PANK1: variants seen among roughly 807,000 people sequenced by gnomAD.
The protein encoded by PANK1 is pantothenic acid kinase 1.
PANK1 carries 18 observed loss-of-function variants against 40.1 expected under a neutral mutation model. That is an observed-to-expected ratio of 0.45 (90% CI 0.31 to 0.67). PANK1 has a LOEUF of 0.67. PANK1 is among the 30% of genes least tolerant of loss of function. PANK1 has a pLI of 0.06. For missense variants in PANK1, 457 were observed against 599.6 expected, an observed-to-expected ratio of 0.76 and a Z score of 2.48; for synonymous variants, 242 against 237.7, an observed-to-expected ratio of 1.02 and a Z score of -0.17.
intron 1 of PANK1, among the ~76,000 whole-genome samples, chr10:89,637,869 A>G (rs1007081665): frequency 2.6e-5 from 4 of 152,264 alleles, no homozygotes; most frequent in African/African-American, 7.2e-5. Flanking sequence ...GTATAGGTGT[A>G]CAAAAATATT....
At chr10:89,629,124 G>T (rs1172334883) in intron 1 of PANK1, among the ~76,000 whole-genome samples, 3 of 152,190 alleles carry the variant, frequency 2.0e-5, no homozygotes, top group Non-Finnish European at 4.4e-5. Flanking sequence ...AAAAAGAAGA[G>T]TACATAGATT....
At chr10:89,606,517 C>T (rs931396984) in intron 2 of PANK1, among the ~76,000 whole-genome samples, 3 of 152,206 alleles carry the variant, frequency 2.0e-5, no homozygotes, top group South Asian at 2.1e-4. Flanking sequence ...CTGCTACCTT[C>T]CCACTTTTCT....
chr10:89,620,518 CTAG>C (rs1436815409), intron 1 of PANK1, among the ~76,000 whole-genome samples: 1 of 152,228 alleles, frequency 6.6e-6, no homozygotes, highest in Non-Finnish European at 1.5e-5. Context: ...CTGGCGAATT[CTAG>C]TCAGACCTGT....
intron 1 of PANK1, among the ~76,000 whole-genome samples, chr10:89,629,899 C>T (rs1841584290): frequency 6.6e-6 from 1 of 152,212 alleles, no homozygotes; most frequent in South Asian, 2.1e-4. Context: ...GTTTCAGCTT[C>T]TTGCTGAATA....
chr10:89,607,110 G>A (rs1009233501), intron 2 of PANK1, among the ~76,000 whole-genome samples: 8 of 152,094 alleles, frequency 5.3e-5, no homozygotes, highest in Non-Finnish European at 8.8e-5. Flanking sequence ...GGTCTGTCTC[G>A]GTTTTCACCA....
intron 6 of PANK1, among the ~76,000 whole-genome samples, chr10:89,586,818 T>G (rs1844209094): frequency 6.6e-6 from 1 of 152,062 alleles, no homozygotes; most frequent in South Asian, 2.1e-4. Flanking sequence ...CACTTTTTGG[T>G]TTATATTATG....
At chr10:89,625,260 G>A (rs931923125) in intron 1 of PANK1, among the ~76,000 whole-genome samples, 4 of 152,178 alleles carry the variant, frequency 2.6e-5, no homozygotes, top group African/African-American at 9.7e-5. Context: ...GCTTGAAACT[G>A]AGCACAGAAC....
intron 2 of PANK1, among the ~76,000 whole-genome samples, chr10:89,605,833 A>G (rs896456985): frequency 3.9e-5 from 6 of 152,208 alleles, no homozygotes; most frequent in African/African-American, 1.4e-4. Flanking sequence ...GGCCTATGAA[A>G]AGTATTTCTT....
intron 4 of PANK1, 43 bp from the exon 5 acceptor site, chr10:89,593,363 G>T: frequency 6.2e-7 from 1 of 1,600,560 alleles, no homozygotes; most frequent in South Asian, 1.1e-5. Flanking sequence ...ATCGTCCTCA[G>T]GCAGGGCCCA....
Position 89,644,790 on chromosome 10 carries a change from G to T in PANK1, c.102C>A (p.Gly34=). The change falls in exon 1 of 7, where the codon GGC becomes GGA. Residue 34 remains glycine (G), a synonymous_variant. Transcript: ENST00000307534. ...AAAVNGLLHN[G]FHPPPVQPPH... is the part of the protein sequence containing the mutation. ...GCGGCTGGACTGGCGGCGGATGGAA[G>T]CCGTTGTGCAGCAGCCCGTTCACAG... 6.7e-7 allele frequency: 1 copy of T among 1,491,576 alleles called. No homozygotes were observed. The allele number at this position is 1,491,576 out of a possible 1,614,324, so 92.4% of individuals were successfully genotyped here.
intron 2 of PANK1, among the ~76,000 whole-genome samples, chr10:89,607,587 A>G (rs960320492): frequency 3.3e-5 from 5 of 152,234 alleles, no homozygotes; most frequent in African/African-American, 1.2e-4. Context: ...AAAATGCAAT[A>G]CAACAAGGTA....
At chr10:89,588,577 A>G in intron 6 of PANK1, 75 bp downstream of exon 6, 1 of 1,173,394 alleles carries the variant, frequency 8.5e-7, no homozygotes, top group Non-Finnish European at 1.2e-6. Context: ...TAAAAAGCTA[A>G]GAGACCTGCT....
chr10:89,580,814 T>C (rs1844038074), downstream of PANK1: 1 of 152,176 alleles, frequency 6.6e-6, no homozygotes. Flanking sequence ...CTATTTTCAT[T>C]TGCCAGGAGT....
At chr10:89,639,202 T>C (rs1172410946) in intron 1 of PANK1, 1 of 454,240 alleles carries the variant, frequency 2.2e-6, no homozygotes, top group Admixed American at 2.4e-5. Flanking sequence ...GTGAAGGCCT[T>C]CTTGCTGCAT....
chr10:89,586,246 T>A (rs7079873), intron 6 of PANK1, among the ~76,000 whole-genome samples: 1 of 152,172 alleles, frequency 6.6e-6, no homozygotes, highest in Admixed American at 6.5e-5. Flanking sequence ...GCACCCTGTA[T>A]TTTTTATTGC....
intron 2 of PANK1, among the ~76,000 whole-genome samples, chr10:89,602,315 A>G (rs1844812555): frequency 6.6e-6 from 1 of 152,252 alleles, no homozygotes. Context: ...ACAAAGTGCT[A>G]GCAGCAAACA....
At chr10:89,619,279 C>G (rs547254500) in intron 1 of PANK1, among the ~76,000 whole-genome samples, 1 of 152,198 alleles carries the variant, frequency 6.6e-6, no homozygotes, top group East Asian at 1.9e-4. Context: ...AAGGCTTTTT[C>G]AGAATTCTAG....
At chr10:89,593,472 T>C in intron 4 of PANK1, 152 bp from the exon 5 acceptor site, 1 of 836,298 alleles carries the variant, frequency 1.2e-6, no homozygotes, top group Non-Finnish European at 1.8e-6. Flanking sequence ...AGAATTATAG[T>C]ATGCATGGCT....
chr10:89,645,032 C>T lies in PANK1; in HGVS notation c.-141G>A, dbSNP rs751240432. ...AGAGCCGGCGCCTGGGGATGGCGAA[C>T]CCGGCGCTCCTCCCCTCCTCCTGCC... On this transcript the variant is annotated 5_prime_UTR_variant, in exon 1 of 7. Coordinates refer to ENST00000307534, the MANE Select transcript of PANK1 (RefSeq NM_148977.3). The T allele has an allele frequency of 1.3e-6, 2 of 1,565,956 alleles. No homozygotes were observed. The highest frequency in any genetic ancestry group is 2.3e-5 in the South Asian group (2 of 86,570).
Sources: allele counts gnomAD v4.1 joint callset (sites outside exome capture counted in the v4.1 genomes callset), GRCh38; gene constraint gnomAD v4.1.1; transcripts MANE v1.5; gene names NCBI Gene and HGNC (gene_info 2026-07-23, HGNC 2026-07-21).